Variants in ZNF429 observed in about 807,000 individuals in gnomAD.
The protein encoded by ZNF429 is zinc finger protein 429.
Under a neutral mutation model 56.8 loss-of-function variants are expected in ZNF429, and 53 were observed. The ratio of observed to expected loss-of-function variants is 0.93; its 90% CI spans 0.75 to 1.17. The LOEUF is 1.17. Among genes scored for constraint, ZNF429 ranks in the 50% most tolerant of loss-of-function variants. The pLI is 0.00. For synonymous variants in ZNF429, 278 were observed against 264.7 expected, an observed-to-expected ratio of 1.05 and a Z score of -0.49; for missense variants, 849 against 788.4, an observed-to-expected ratio of 1.08 and a Z score of -0.92.
chr19:21,536,700 T>G lies in ZNF429; in HGVS notation c.647T>G (p.Leu216Arg). Reference protein sequence around the residue: ...FGNAFNQSSALTNHKRIYVGE... With the variant: ...FGNAFNQSSARTNHKRIYVGE... ...AATGCCTTTAATCAGTCCTCAGCCC[T>G]TACTAACCATAAGAGAATTTATGTT... Residue 216 changes from leucine to arginine, a missense_variant, in exon 4 of 4, where the codon CTT becomes CGT. Leu to Arg is a moderately radical substitution (Grantham distance 102). Coordinates refer to ENST00000358491, the MANE Select transcript of ZNF429 (RefSeq NM_001001415.4). 6.2e-7 allele frequency: 1 copy of G among 1,614,034 alleles called. No homozygotes were observed. The highest frequency in any genetic ancestry group is 8.5e-7 in the Non-Finnish European group (1 of 1,179,988).
chr19:21,538,277 C>CAAAAAAAAA lies in ZNF429; in HGVS notation c.*213_*221dup, dbSNP rs531427318. On this transcript the variant is annotated 3_prime_UTR_variant, in exon 4 of 4. Coordinates refer to ENST00000358491, the MANE Select transcript of ZNF429 (RefSeq NM_001001415.4). The stretch of plus-strand genomic sequence containing the variant: ...TGGGTGACAGAGCCAGACTCCATCT[C>CAAAAAAAAA]AAAAAAAAAAAAAAAAAAAAAAGAA... Among the ~76,000 whole-genome samples, 13 of 34,370 alleles carry CAAAAAAAAA rather than the reference C, an allele frequency of 3.8e-4. No homozygotes were observed. The highest frequency in any genetic ancestry group is 5.4e-4 in the Admixed American group (1 of 1,836). 22.5% of individuals were successfully genotyped at this position (34,370 alleles called of 152,430 possible).
At chr19:21,506,461 A>AAAGGG (rs1555740405) in intron 1 of ZNF429, among the ~76,000 whole-genome samples, 5 of 147,278 alleles carry the variant, frequency 3.4e-5, no homozygotes, top group African/African-American at 1.0e-4. Context: ...AAAAAAAAAA[A>AAAGGG]GGGGAGTCAC....
chr19:21,530,352 C>G, intron 2 of ZNF429, among the ~76,000 whole-genome samples: 2 of 151,868 alleles, frequency 1.3e-5, no homozygotes, highest in African/African-American at 4.8e-5. Context: ...ATATTGTTGC[C>G]CACACCTTAA....
chr19:21,528,568 G>A (rs555018229), intron 1 of ZNF429, among the ~76,000 whole-genome samples: 2 of 152,088 alleles, frequency 1.3e-5, no homozygotes, highest in Non-Finnish European at 2.9e-5. Flanking sequence ...AGCCGGGCGT[G>A]GTGGCAGGTG....
intron 1 of ZNF429, among the ~76,000 whole-genome samples, chr19:21,510,613 G>A (rs1200025015): frequency 6.6e-6 from 1 of 151,260 alleles, no homozygotes; most frequent in Non-Finnish European, 1.5e-5. Context: ...GATCATTCTT[G>A]GGTGTTTCTC....
Position 21,537,531 on chromosome 19 carries a change from C to A in ZNF429, c.1478C>A (p.Ser493Tyr), listed in dbSNP as rs2033750026. Residue 493 changes from serine to tyrosine, a missense_variant, in exon 4 of 4, where the codon TCC (serine) becomes TAC (tyrosine). Physicochemically the swap from Ser to Tyr is moderately radical, Grantham distance 144. Transcript: ENST00000358491. ...CEECGKAFKQ[S>Y]SNLNSHKKIH... ...GAATGTGGCAAAGCCTTTAAGCAGT[C>A]CTCAAACCTTAACAGTCATAAAAAA... is the stretch of plus-strand genomic sequence containing the variant. The A allele has an allele frequency of 5.0e-6, 8 of 1,613,488 alleles. No homozygotes were observed. The highest frequency in any genetic ancestry group is 1.3e-5 in the African/African-American group (1 of 74,880).
In ZNF429 at chr19:21,538,107, T is replaced by TC; in HGVS notation, c.*29_*30insC. The TC allele has an allele frequency of 2.5e-6, 1 of 397,140 alleles. No individual in the cohort carries two copies. 24.6% of individuals were successfully genotyped at this position (397,140 alleles called of 1,614,324 possible). A position where few individuals can be genotyped will look rare whatever the true frequency, so the allele number is the denominator to read the frequency against. The stretch of plus-strand genomic sequence containing the variant: ...GGTGAAACCCCGTCTCTACTAAAAA[T>TC]ACAAAAAAAAAAAAAAAAAAAATTA... On this transcript the variant is annotated 3_prime_UTR_variant, in exon 4 of 4. Coordinates refer to ENST00000358491, the MANE Select transcript of ZNF429 (RefSeq NM_001001415.4).
Position 21,505,766 on chromosome 19 carries a change from C to T in ZNF429, c.-6C>T, listed in dbSNP as rs1275407120. ...TAAGACTCCAGGACCCCCTGGAAGC[C>T]TAGAAATGGTGAGAGTGCCGAGTCT... On this transcript the variant is annotated 5_prime_UTR_variant, in exon 1 of 4. Coordinates refer to ENST00000358491, the MANE Select transcript of ZNF429 (RefSeq NM_001001415.4). The T allele has an allele frequency of 1.2e-6, 2 of 1,611,256 alleles. No individual in the cohort carries two copies. Among genetic ancestry groups the T allele is most frequent in the East Asian group, 4.5e-5 (2 of 44,770 alleles).
rs1345485117 is a variant in ZNF429, at chr19:21,508,184, G to A, written c.3+2410G>A. Among the ~76,000 whole-genome samples the A allele has an allele frequency of 3.3e-5, 5 of 151,822 alleles. No individual in the cohort carries two copies. In the East Asian group the frequency reaches 5.8e-4, roughly 18 times the overall value. ...GAAGAACTCGGGAGGCGGAGGTTGC[G>A]GTGAGCCGAGATCGTGCCATTGCAC... is the stretch of plus-strand genomic sequence containing the variant. On this transcript the variant is annotated intron_variant, in intron 1 of 3. Coordinates refer to ENST00000358491, the MANE Select transcript of ZNF429 (RefSeq NM_001001415.4).
chr19:21,532,411 A>C, intron 3 of ZNF429, among the ~76,000 whole-genome samples: 17 of 152,346 alleles, frequency 1.1e-4, no homozygotes, highest in Admixed American at 1.0e-3. Context: ...GAATGTGCAG[A>C]AAAATTAACA....
At chr19:21,521,293 C>T (rs568059522) in intron 1 of ZNF429, 4 of 152,270 alleles carry the variant, frequency 2.6e-5, no homozygotes, top group Non-Finnish European at 4.4e-5. Context: ...AACTATGTTT[C>T]AATCTCAGAT....
rs182604444 is a variant in ZNF429, at chr19:21,505,788, G to A, written c.3+14G>A. 1.2e-6 allele frequency: 2 copies of A among 1,611,714 alleles called. No homozygotes were observed. Among genetic ancestry groups the A allele is most frequent in the African/African-American group, 1.3e-5 (1 of 74,954 alleles). On this transcript the variant is annotated intron_variant, in intron 1 of 3. Transcript: ENST00000358491. ...AGCCTAGAAATGGTGAGAGTGCCGA[G>A]TCTGACATCCCCAGAGAGGGGGAGG... is the stretch of plus-strand genomic sequence containing the variant.
chr19:21,523,962 C>A (rs1399786588), intron 1 of ZNF429, among the ~76,000 whole-genome samples: 1 of 152,132 alleles, frequency 6.6e-6, no homozygotes, highest in East Asian at 1.9e-4. Flanking sequence ...ATTTACAAGA[C>A]AAGGCCACAC....
At chr19:21,525,935 GGGT>G (rs2033152543) in intron 1 of ZNF429, among the ~76,000 whole-genome samples, 1 of 152,302 alleles carries the variant, frequency 6.6e-6, no homozygotes, top group Admixed American at 6.5e-5. Flanking sequence ...CCAACTCCCA[GGGT>G]GTTATGAGGA....
chr19:21,512,052 C>CAGAGGGAGACCATGGAAAGAGGG, intron 1 of ZNF429, among the ~76,000 whole-genome samples: 1 of 152,264 alleles, frequency 6.6e-6, no homozygotes, highest in Non-Finnish European at 1.5e-5. Context: ...GGCTCAGCAT[C>CAGAGGGAGACCATGGAAAGAGGG]AGAGGGAGAC....
chr19:21,515,577 GT>G (rs2032701303), intron 1 of ZNF429, among the ~76,000 whole-genome samples: 1 of 151,480 alleles, frequency 6.6e-6, no homozygotes, highest in Non-Finnish European at 1.5e-5. Context: ...GGTGTTTTTT[GT>G]TTTTTGTTTT....
chr19:21,530,054 A>G, intron 2 of ZNF429, among the ~76,000 whole-genome samples: 1 of 152,038 alleles, frequency 6.6e-6, no homozygotes, highest in African/African-American at 2.4e-5. Flanking sequence ...AGCTGGGCAC[A>G]GTGGCAGGCA....
At chr19:21,531,129 ACC>A in intron 3 of ZNF429, among the ~76,000 whole-genome samples, 1,064 of 94,192 alleles carry the variant, frequency 0.011, 27 homozygotes, top group African/African-American at 0.035. Flanking sequence ...AAAAAAAAAA[ACC>A]AAAAAAAAAA....
intron 1 of ZNF429, among the ~76,000 whole-genome samples, chr19:21,526,669 T>C (rs1169835240): frequency 6.6e-6 from 1 of 152,226 alleles, no homozygotes; most frequent in Non-Finnish European, 1.5e-5. Flanking sequence ...TGCTGCACTG[T>C]GCACTATAAC....
Sources: gnomAD v4.1 joint callset for allele counts (sites outside exome capture counted in the v4.1 genomes callset) on GRCh38, gnomAD v4.1.1 for gene constraint, MANE v1.5 for transcripts, NCBI Gene and HGNC (gene_info 2026-07-23, HGNC 2026-07-21) for gene names.